CYSLTR1: variants seen among roughly 807,000 people sequenced by gnomAD.
CYSLTR1 encodes the protein G-protein coupled receptor HG55.
Under a neutral mutation model 2.1 loss-of-function variants are expected in CYSLTR1, and 1 was observed. That is an observed-to-expected ratio of 0.48 (90% CI 0.17 to 2.28). The LOEUF is 2.28. Among genes scored for constraint, CYSLTR1 ranks in the 30% most tolerant of loss-of-function variants. The pLI is 0.26. For missense variants in CYSLTR1, 299 were observed against 250.1 expected (o/e 1.20, Z -1.32); for synonymous variants, 110 against 89.6 (o/e 1.23, Z -1.28).
chrX:78,272,609 T>C lies in CYSLTR1; in HGVS notation c.*124A>G. 2 of 652,109 alleles carry C rather than the reference T, an allele frequency of 3.1e-6. No homozygotes were observed. The highest frequency in any genetic ancestry group is 4.3e-6 in the Non-Finnish European group (2 of 462,540). 53.7% of individuals were successfully genotyped at this position (652,109 alleles called of 1,213,427 possible). On this transcript the variant is annotated 3_prime_UTR_variant, in exon 3 of 3. Transcript: ENST00000373304. ...TGGATGCATAAATGAGATAGAGTTG[T>C]AGGCCCAAATAGTTAAGTATTTGTA...
intron 1 of CYSLTR1, among the ~76,000 whole-genome samples, chrX:78,315,236 T>C (rs1204889590): frequency 1.8e-5 from 2 of 108,938 alleles, no homozygotes; most frequent in Non-Finnish European, 3.8e-5. Context: ...TGAAGAGCCC[T>C]TGGGCCTTGA....
At chrX:78,322,342 T>C (rs1256861298) in intron 1 of CYSLTR1, among the ~76,000 whole-genome samples, 1 of 112,523 alleles carries the variant, frequency 8.9e-6, no homozygotes, top group African/African-American at 3.2e-5. Context: ...TCAACAAATA[T>C]GAATGTTTTG....
intron 1 of CYSLTR1, among the ~76,000 whole-genome samples, chrX:78,300,790 TATG>T (rs1922786492): frequency 8.9e-6 from 1 of 112,619 alleles, no homozygotes; most frequent in South Asian, 3.6e-4. Flanking sequence ...TCTTATGAAA[TATG>T]ATGTTTTTCT....
intron 1 of CYSLTR1, among the ~76,000 whole-genome samples, chrX:78,309,676 AG>A (rs1923150815): frequency 1.8e-5 from 2 of 111,967 alleles, no homozygotes; most frequent in South Asian, 7.4e-4. Context: ...ACTCAGTGAA[AG>A]GAAGCTACCA....
Position 78,295,355 on chromosome X carries a change from T to C in CYSLTR1, c.-114-11815A>G, listed in dbSNP as rs189387178. Among the ~76,000 whole-genome samples the C allele has an allele frequency of 8.9e-4, 88 of 99,132 alleles. No homozygotes were observed. The East Asian group carries it at 0.027, about 30-fold the overall frequency. The allele number at this position is 99,132 out of a possible 115,157, so 86.1% of individuals were successfully genotyped here. On this transcript the variant is annotated intron_variant, in intron 1 of 2. Transcript: ENST00000373304. ...ACAAACAGAAGTGCGGATATCTCTTTGATATCCTGATTTCCTTTTTTTTTT... is the reference window on the plus strand; with the variant it reads ...ACAAACAGAAGTGCGGATATCTCTTCGATATCCTGATTTCCTTTTTTTTTT...
chrX:78,287,531 A>G (rs992922925), intron 1 of CYSLTR1, among the ~76,000 whole-genome samples: 2 of 111,619 alleles, frequency 1.8e-5, no homozygotes, highest in African/African-American at 6.5e-5. Flanking sequence ...TGAATTGTAC[A>G]CTTACAATGG....
chrX:78,283,094 T>C (rs1921906199), intron 2 of CYSLTR1, among the ~76,000 whole-genome samples: 3 of 112,210 alleles, frequency 2.7e-5, no homozygotes, highest in Non-Finnish European at 5.6e-5. Context: ...ATTATGGCTT[T>C]ACTTGTATGA....
chrX:78,302,207 A>G (rs775414485), intron 1 of CYSLTR1, among the ~76,000 whole-genome samples: 1 of 112,197 alleles, frequency 8.9e-6, no homozygotes, highest in African/African-American at 3.2e-5. Flanking sequence ...TCAAGCCCAA[A>G]GGGTGTACTC....
chrX:78,273,751 C>G lies in CYSLTR1; in HGVS notation c.-5G>C. ...CAGATTTCCTGTTTCATCCATGTTT[C>G]TCTACGAATGTCTGCTTTGTGCCTA... is the stretch of plus-strand genomic sequence containing the variant. On this transcript the variant is annotated 5_prime_UTR_variant, in exon 3 of 3. Transcript: ENST00000373304. 8.4e-7 allele frequency: 1 copy of G among 1,188,308 alleles called. No individual in the cohort carries two copies. The highest frequency in any genetic ancestry group is 1.9e-5 in the South Asian group (1 of 52,879).
chrX:78,323,583 G>T (rs1325337654), intron 1 of CYSLTR1, among the ~76,000 whole-genome samples: 1 of 112,020 alleles, frequency 8.9e-6, no homozygotes, highest in Non-Finnish European at 1.9e-5. Context: ...ACAACACAAA[G>T]ACAACCCTTT....
intron 1 of CYSLTR1, among the ~76,000 whole-genome samples, chrX:78,302,660 T>C (rs1454260686): frequency 9.1e-6 from 1 of 110,421 alleles, no homozygotes; most frequent in Non-Finnish European, 1.9e-5. Flanking sequence ...ATTGGGTCCT[T>C]CCATTCAAGG....
chrX:78,275,714 A>G (rs1422894680), intron 2 of CYSLTR1, among the ~76,000 whole-genome samples: 1 of 111,763 alleles, frequency 8.9e-6, no homozygotes, highest in East Asian at 2.8e-4. Flanking sequence ...CATGTACCCT[A>G]GAACTTAAAG....
intron 1 of CYSLTR1, among the ~76,000 whole-genome samples, chrX:78,313,821 G>A: frequency 8.9e-6 from 1 of 112,222 alleles, no homozygotes; most frequent in African/African-American, 3.2e-5. Flanking sequence ...TCACATGGAA[G>A]ATGACGTTAC....
intron 1 of CYSLTR1, among the ~76,000 whole-genome samples, chrX:78,294,038 C>T (rs1308222337): frequency 2.7e-5 from 3 of 112,347 alleles, no homozygotes; most frequent in African/African-American, 3.2e-5. Flanking sequence ...TGAGGAGCTG[C>T]GTTCCTTTGG....
chrX:78,294,478 A>AAC (rs1922491845), intron 1 of CYSLTR1, among the ~76,000 whole-genome samples: 1 of 112,407 alleles, frequency 8.9e-6, no homozygotes, highest in Non-Finnish European at 1.9e-5. Flanking sequence ...TCAGAGCTCA[A>AAC]ACACCATGCT....
chrX:78,301,134 T>C (rs186932278), intron 1 of CYSLTR1, among the ~76,000 whole-genome samples: 88 of 112,005 alleles, frequency 7.9e-4, no homozygotes, highest in African/African-American at 2.7e-3. Flanking sequence ...CATGAAACCA[T>C]TTTTTCCTCC....
intron 2 of CYSLTR1, among the ~76,000 whole-genome samples, chrX:78,274,470 A>C (rs1921478293): frequency 8.9e-6 from 1 of 111,905 alleles, no homozygotes; most frequent in Admixed American, 9.5e-5. Flanking sequence ...CAAAAGCAAG[A>C]AATGGGGAAA....
At chrX:78,316,320 T>C (rs770481790) in intron 1 of CYSLTR1, among the ~76,000 whole-genome samples, 5 of 111,987 alleles carry the variant, frequency 4.5e-5, no homozygotes, top group Non-Finnish European at 9.4e-5. Context: ...TTTGCAACAA[T>C]TTCAACTGGG....
chrX:78,287,272 CATGTATCAACTCA>C (rs1922113440), intron 1 of CYSLTR1, among the ~76,000 whole-genome samples: 1 of 111,832 alleles, frequency 8.9e-6, no homozygotes, highest in Non-Finnish European at 1.9e-5. Context: ...CATGCTACAA[CATGTATCAACTCA>C]AGAACATTTG....
Sources: gnomAD v4.1 joint callset for allele counts (sites outside exome capture counted in the v4.1 genomes callset) on GRCh38, gnomAD v4.1.1 for gene constraint, MANE v1.5 for transcripts, NCBI Gene and HGNC (gene_info 2026-07-23, HGNC 2026-07-21) for gene names.